The following RMST variants were observed in gnomAD, a reference collection of about 807,000 sequenced individuals.
RMST encodes rhabdomyosarcoma 2 associated transcript.
chr12:97,548,852 TA>T (rs1180016054), intron 11 of RMST, among the ~76,000 whole-genome samples: 4 of 152,188 alleles, frequency 2.6e-5, no homozygotes, highest in African/African-American at 9.6e-5. Flanking sequence ...TTTGATCACA[TA>T]AAAAAACAAA....
At chr12:97,489,426 G>A (rs1017400685) in intron 5 of RMST, among the ~76,000 whole-genome samples, 14 of 150,894 alleles carry the variant, frequency 9.3e-5, no homozygotes, top group African/African-American at 3.4e-4. Context: ...CAGCCTGGAT[G>A]ACATAGAGAG....
chr12:97,476,427 G>A (rs1874559290), intron 5 of RMST, among the ~76,000 whole-genome samples: 1 of 152,112 alleles, frequency 6.6e-6, no homozygotes, highest in South Asian at 2.1e-4. Flanking sequence ...CAGTCCCTCT[G>A]GTTAAGAATA....
At chr12:97,550,735 A>G (rs528981643) in intron 11 of RMST, among the ~76,000 whole-genome samples, 1 of 152,300 alleles carries the variant, frequency 6.6e-6, no homozygotes, top group African/African-American at 2.4e-5. Flanking sequence ...CATCTAGAAC[A>G]TAGCATCATA....
At chr12:97,484,993 C>T (rs1875910539) in intron 5 of RMST, among the ~76,000 whole-genome samples, 1 of 152,158 alleles carries the variant, frequency 6.6e-6, no homozygotes, top group African/African-American at 2.4e-5. Flanking sequence ...ACCCACAAGG[C>T]ATTATGTTTG....
exon 11 of RMST, chr12:97,530,714 A>G (rs1881547297): frequency 6.6e-6 from 1 of 152,122 alleles, no homozygotes; most frequent in Admixed American, 6.6e-5. Context: ...TTGCTACTAC[A>G]TCTGCAAAGT....
intron 10 of RMST, among the ~76,000 whole-genome samples, chr12:97,521,509 T>G (rs1468268936): frequency 6.6e-6 from 1 of 152,184 alleles, no homozygotes; most frequent in East Asian, 1.9e-4. Context: ...TTAGTTACAC[T>G]GAGATATAAA....
At chr12:97,549,997 C>A (rs1883200383) in intron 11 of RMST, among the ~76,000 whole-genome samples, 1 of 152,138 alleles carries the variant, frequency 6.6e-6, no homozygotes, top group Non-Finnish European at 1.5e-5. Context: ...CAAGAGGCCA[C>A]AACATACAAT....
intron 5 of RMST, among the ~76,000 whole-genome samples, chr12:97,486,529 TA>T (rs1876133842): frequency 6.6e-6 from 1 of 152,212 alleles, no homozygotes; most frequent in Non-Finnish European, 1.5e-5. Context: ...TTTCATGAGA[TA>T]TTACTGATAC....
intron 11 of RMST, chr12:97,551,978 T>C (rs551618322): frequency 6.6e-6 from 1 of 152,262 alleles, no homozygotes; most frequent in African/African-American, 2.4e-5. Context: ...GGATGAACGA[T>C]TAAAATGAAG....
intron 10 of RMST, among the ~76,000 whole-genome samples, chr12:97,513,104 C>A (rs963729075): frequency 6.6e-6 from 1 of 152,202 alleles, no homozygotes; most frequent in Non-Finnish European, 1.5e-5. Flanking sequence ...AGCCCGGGTT[C>A]CCACCTGCGC....
At chr12:97,480,292 G>A (rs1269041909) in intron 5 of RMST, among the ~76,000 whole-genome samples, 1 of 151,770 alleles carries the variant, frequency 6.6e-6, no homozygotes, top group Non-Finnish European at 1.5e-5. Flanking sequence ...GGGTTTCACC[G>A]TGTTAGCTAG....
chr12:97,535,376 T>G (rs1444791115), intron 11 of RMST, among the ~76,000 whole-genome samples: 1 of 151,706 alleles, frequency 6.6e-6, no homozygotes, highest in Non-Finnish European at 1.5e-5. Flanking sequence ...GAGAACTTCA[T>G]AAAAAGATAC....
chr12:97,556,483 T>C (rs1163410574), intron 11 of RMST, among the ~76,000 whole-genome samples: 1 of 152,206 alleles, frequency 6.6e-6, no homozygotes, highest in Non-Finnish European at 1.5e-5. Context: ...TCAGGAAGCC[T>C]TGACAAGAAA....
At chr12:97,470,573 A>G (rs1873797600) in intron 5 of RMST, among the ~76,000 whole-genome samples, 1 of 152,070 alleles carries the variant, frequency 6.6e-6, no homozygotes, top group Admixed American at 6.6e-5. Flanking sequence ...ATCATTAAGG[A>G]ATATATTAAT....
At chr12:97,481,308 A>C (rs1055415462) in intron 5 of RMST, among the ~76,000 whole-genome samples, 2 of 152,150 alleles carry the variant, frequency 1.3e-5, no homozygotes, top group Non-Finnish European at 1.5e-5. Context: ...GCTTGCATGG[A>C]GCATCATAGT....
At chr12:97,518,298 T>C (rs1247513617) in intron 10 of RMST, among the ~76,000 whole-genome samples, 1 of 152,182 alleles carries the variant, frequency 6.6e-6, no homozygotes, top group Non-Finnish European at 1.5e-5. Context: ...TATTGATATT[T>C]ATTTGGAGCA....
At chr12:97,464,312 G>C (rs1872921650) in intron 4 of RMST, among the ~76,000 whole-genome samples, 1 of 152,144 alleles carries the variant, frequency 6.6e-6, no homozygotes, top group South Asian at 2.1e-4. Context: ...TTATGTTCCT[G>C]ATACAACACA....
intron 13 of RMST, chr12:97,563,414 A>G (rs1288035608): frequency 4.3e-6 from 1 of 231,664 alleles, no homozygotes; most frequent in African/African-American, 2.4e-5. Context: ...GGTATGTAAG[A>G]AAGCTTTCTG....
At chr12:97,546,768 T>C (rs1882962064) in intron 11 of RMST, among the ~76,000 whole-genome samples, 1 of 152,076 alleles carries the variant, frequency 6.6e-6, no homozygotes, top group Non-Finnish European at 1.5e-5. Context: ...AGGAAGCTAA[T>C]TAACATATAC....
Sources: gnomAD v4.1 joint callset for allele counts (sites outside exome capture counted in the v4.1 genomes callset) on GRCh38, gnomAD v4.1.1 for gene constraint, MANE v1.5 for transcripts, NCBI Gene and HGNC (gene_info 2026-07-23, HGNC 2026-07-21) for gene names.